FRMPD4: variants seen among roughly 807,000 people sequenced by gnomAD.
The protein encoded by FRMPD4 is FERM and PDZ domain-containing protein 4.
A neutral mutation model predicts 94.1 loss-of-function variants in FRMPD4; 22 were observed. The ratio of observed to expected loss-of-function variants is 0.23; its 90% CI spans 0.17 to 0.33. FRMPD4 has a LOEUF of 0.33. FRMPD4 is among the 10% of genes least tolerant of loss of function. The probability of loss-of-function intolerance (pLI) is 1.00; values close to 1 mark genes in which losing one functional copy is unlikely to be tolerated. For synonymous variants in FRMPD4, 631 were observed against 548.6 expected, an observed-to-expected ratio of 1.15 and a Z score of -2.10; for missense variants, 1,111 against 1,339.9, an observed-to-expected ratio of 0.83 and a Z score of 2.67.
intron 1 of FRMPD4, among the ~76,000 whole-genome samples, chrX:11,831,493 A>G (rs2053474609): frequency 8.9e-6 from 1 of 112,089 alleles, no homozygotes; most frequent in South Asian, 3.7e-4. Flanking sequence ...CATTGTGAGC[A>G]CATAAACTCT....
chrX:12,643,240 C>T (rs886612758), intron 4 of FRMPD4, among the ~76,000 whole-genome samples: 4 of 109,196 alleles, frequency 3.7e-5, no homozygotes, highest in Non-Finnish European at 7.6e-5. Context: ...TGGGTTCCAG[C>T]GATCCTCCTG....
chrX:12,035,363 G>A (rs933912138), intron 3 of FRMPD4, among the ~76,000 whole-genome samples: 6 of 111,427 alleles, frequency 5.4e-5, no homozygotes, highest in Admixed American at 3.8e-4. Flanking sequence ...ATTTTCAGAA[G>A]GGAAAAGTGA....
At chrX:12,541,397 A>G (rs1201221959) in intron 2 of FRMPD4, among the ~76,000 whole-genome samples, 1 of 111,508 alleles carries the variant, frequency 9.0e-6, no homozygotes, top group African/African-American at 3.3e-5. Context: ...ATAAAAAATG[A>G]TAAAGGGGAT....
At chrX:12,394,650 C>T (rs887540689) in intron 1 of FRMPD4, among the ~76,000 whole-genome samples, 1 of 111,082 alleles carries the variant, frequency 9.0e-6, no homozygotes, top group African/African-American at 3.3e-5. Context: ...TTCCTTCACC[C>T]GCCTCCCTCC....
chrX:12,254,663 G>T (rs188264146), intron 1 of FRMPD4, among the ~76,000 whole-genome samples: 5 of 112,069 alleles, frequency 4.5e-5, no homozygotes, highest in African/African-American at 1.6e-4. Context: ...CACAAGTGTA[G>T]AAAAGAACCT....
Position 12,710,681 on chromosome X carries a change from G to A in FRMPD4, c.1609+144G>A, listed in dbSNP as rs2041969310. The A allele has an allele frequency of 1.3e-5, 6 of 470,843 alleles. No individual in the cohort carries two copies. In the East Asian group the frequency reaches 2.4e-4, roughly 19 times the overall value. 38.8% of individuals were successfully genotyped at this position (470,843 alleles called of 1,213,427 possible). A position where few individuals can be genotyped will look rare whatever the true frequency, so the allele number is the denominator to read the frequency against. Reference sequence around the variant, plus strand: ...CTGGCACTTTGGGAGGCCAAGGCAGGCGGATCACGAGGTCAGGCTTTCGAG... The same window carrying A: ...CTGGCACTTTGGGAGGCCAAGGCAGACGGATCACGAGGTCAGGCTTTCGAG... On this transcript the variant is annotated intron_variant, in intron 14 of 16. Transcript: ENST00000675598.
At chrX:12,102,396 A>C (rs1569158745) in intron 3 of FRMPD4, among the ~76,000 whole-genome samples, 1 of 111,957 alleles carries the variant, frequency 8.9e-6, no homozygotes, top group Non-Finnish European at 1.9e-5. Context: ...GTATGCACAC[A>C]TGTATCTTTG....
intron 3 of FRMPD4, among the ~76,000 whole-genome samples, chrX:11,900,479 G>A (rs760900157): frequency 9.8e-5 from 11 of 111,733 alleles, no homozygotes; most frequent in Non-Finnish European, 7.5e-5. Context: ...GCAAGGGGTC[G>A]TCCCCTCTTT....
chrX:12,408,911 TTAGAGAGAGAATATCCCCCCCTTGGCTAG>T (rs1157610075), intron 1 of FRMPD4, among the ~76,000 whole-genome samples: 1 of 110,867 alleles, frequency 9.0e-6, no homozygotes, highest in African/African-American at 3.3e-5. Context: ...TTTTCTTCCA[TTAGAGAGAGAATATCCCCCCCTTGGCTAG>T]TAGAGAGTGG....
At chrX:11,989,180 C>T (rs139853413) in intron 3 of FRMPD4, among the ~76,000 whole-genome samples, 207 of 111,355 alleles carry the variant, frequency 1.9e-3, no homozygotes, top group Middle Eastern at 9.3e-3. Flanking sequence ...ATCTGCAGTC[C>T]CATGTTTGTT....
chrX:12,316,350 A>G (rs1486026545), intron 1 of FRMPD4, among the ~76,000 whole-genome samples: 1 of 109,194 alleles, frequency 9.2e-6, no homozygotes. Context: ...ACGAGGTTTC[A>G]CCATGTTGGC....
intron 4 of FRMPD4, among the ~76,000 whole-genome samples, chrX:12,649,737 C>T (rs757069374): frequency 1.8e-5 from 2 of 112,500 alleles, no homozygotes; most frequent in African/African-American, 3.2e-5. Context: ...ATACAGTAGA[C>T]GTGAAGTAAA....
intron 1 of FRMPD4, among the ~76,000 whole-genome samples, chrX:12,406,363 T>C (rs1411852203): frequency 8.9e-6 from 1 of 112,193 alleles, no homozygotes; most frequent in African/African-American, 3.2e-5. Flanking sequence ...CAAAGATATC[T>C]TTTAACCAAG....
intron 3 of FRMPD4, among the ~76,000 whole-genome samples, chrX:12,055,329 T>C (rs1201929410): frequency 3.6e-5 from 4 of 111,306 alleles, no homozygotes; most frequent in Admixed American, 9.5e-5. Context: ...TAATGAGAGG[T>C]GTCTGGATCA....
At chrX:12,362,658 A>G (rs2056011967) in intron 1 of FRMPD4, among the ~76,000 whole-genome samples, 1 of 111,687 alleles carries the variant, frequency 9.0e-6, no homozygotes, top group African/African-American at 3.3e-5. Context: ...TAGTGCCGCA[A>G]TAAACATACG....
intron 3 of FRMPD4, among the ~76,000 whole-genome samples, chrX:12,132,385 T>G (rs764691701): frequency 1.3e-4 from 14 of 111,675 alleles, no homozygotes; most frequent in Non-Finnish European, 2.4e-4. Context: ...TCAAGGTGCC[T>G]GTTAGTCACT....
intron 2 of FRMPD4, among the ~76,000 whole-genome samples, chrX:11,866,218 A>G (rs965012726): frequency 8.9e-6 from 1 of 112,088 alleles, no homozygotes; most frequent in Non-Finnish European, 1.9e-5. Context: ...GTCAGATCTT[A>G]CAAGTAAACA....
chrX:12,135,526 A>C (rs1405101889), upstream of FRMPD4, among the ~76,000 whole-genome samples: 1 of 106,337 alleles, frequency 9.4e-6, no homozygotes, highest in Non-Finnish European at 1.9e-5. Flanking sequence ...CATACTAGAT[A>C]ATTACTATAT....
chrX:11,837,194 TCTGACTATGAATTATATTA>T (rs1316432920), intron 1 of FRMPD4, among the ~76,000 whole-genome samples: 1 of 102,411 alleles, frequency 9.8e-6, no homozygotes, highest in Admixed American at 1.1e-4. Flanking sequence ...AATTTGCATT[TCTGACTATGAATTATATTA>T]CTGACTATGA....
Sources: allele counts gnomAD v4.1 joint callset (sites outside exome capture counted in the v4.1 genomes callset), GRCh38; gene constraint gnomAD v4.1.1; transcripts MANE v1.5; gene names NCBI Gene and HGNC (gene_info 2026-07-23, HGNC 2026-07-21).